PDSS2: variants seen among roughly 807,000 people sequenced by gnomAD.
PDSS2 encodes the protein decaprenyl diphosphate synthase subunit 2, also known as all trans-polyprenyl-diphosphate synthase PDSS2.
PDSS2 carries 31 observed loss-of-function variants against 44.5 expected under a neutral mutation model. The observed-to-expected ratio is 0.70, with a 90% confidence interval of 0.52 to 0.94. The LOEUF (loss-of-function observed/expected upper bound fraction) is 0.94. Ranked by LOEUF, PDSS2 falls within the 40% of genes least tolerant of loss-of-function variation. PDSS2 has a pLI of 0.00. For synonymous variants in PDSS2, 157 were observed against 180.3 expected, an observed-to-expected ratio of 0.87 and a Z score of 1.03; for missense variants, 452 against 482.2, an observed-to-expected ratio of 0.94 and a Z score of 0.59.
chr6:107,335,351 A>G (rs2115253247), intron 1 of PDSS2, among the ~76,000 whole-genome samples: 1 of 152,238 alleles, frequency 6.6e-6, no homozygotes, highest in East Asian at 1.9e-4. Flanking sequence ...TATAAATCAC[A>G]TTGCTTGGAT....
chr6:107,168,605 T>C (rs1296986308), intron 7 of PDSS2, among the ~76,000 whole-genome samples: 1 of 151,836 alleles, frequency 6.6e-6, no homozygotes, highest in Non-Finnish European at 1.5e-5. Context: ...GTTTTTGCAG[T>C]GGCTGGTACC....
chr6:107,389,169 G>A (rs1286458385), intron 1 of PDSS2, among the ~76,000 whole-genome samples: 3 of 152,058 alleles, frequency 2.0e-5, no homozygotes, highest in Non-Finnish European at 4.4e-5. Context: ...ATGACACTGG[G>A]TATTTGGCAA....
intron 2 of PDSS2, among the ~76,000 whole-genome samples, chr6:107,279,241 T>C (rs1239200416): frequency 6.6e-6 from 1 of 151,918 alleles, no homozygotes; most frequent in East Asian, 1.9e-4. Flanking sequence ...AAAATAAAAA[T>C]AAATGTTTAT....
At chr6:107,402,354 T>C (rs1780134701) in intron 1 of PDSS2, among the ~76,000 whole-genome samples, 1 of 125,080 alleles carries the variant, frequency 8.0e-6, no homozygotes, top group African/African-American at 2.7e-5. Flanking sequence ...TATGGGACTA[T>C]ATAAAACAAT....
At chr6:107,450,685 A>T (rs1180828386) in intron 1 of PDSS2, among the ~76,000 whole-genome samples, 3 of 152,224 alleles carry the variant, frequency 2.0e-5, no homozygotes, top group Non-Finnish European at 4.4e-5. Context: ...ATAATTCTAT[A>T]GGTTATGGCA....
At chr6:107,430,752 T>A (rs1583075535) in intron 1 of PDSS2, among the ~76,000 whole-genome samples, 1 of 151,308 alleles carries the variant, frequency 6.6e-6, no homozygotes, top group South Asian at 2.1e-4. Flanking sequence ...GAGGTTGCGG[T>A]GAGCCAAGAC....
At chr6:107,243,231 C>T (rs1288716980) in intron 4 of PDSS2, among the ~76,000 whole-genome samples, 1 of 152,324 alleles carries the variant, frequency 6.6e-6, no homozygotes, top group East Asian at 1.9e-4. Flanking sequence ...ACTATGCTTT[C>T]CTGCCATTTG....
chr6:107,458,130 G>A (rs12192772), intron 1 of PDSS2, among the ~76,000 whole-genome samples: 7,327 of 151,684 alleles, frequency 0.048, 359 homozygotes, highest in African/African-American at 0.12. Flanking sequence ...TATTATTTTT[G>A]TAACTTCGCT....
chr6:107,287,373 A>G (rs913568022), intron 2 of PDSS2, among the ~76,000 whole-genome samples: 1 of 152,104 alleles, frequency 6.6e-6, no homozygotes, highest in African/African-American at 2.4e-5. Context: ...CCCTGAATAT[A>G]CTACTGTATT....
chr6:107,257,914 T>A (rs2500557), intron 3 of PDSS2, among the ~76,000 whole-genome samples: 36,278 of 152,168 alleles, frequency 0.24, 5,734 homozygotes, highest in Middle Eastern at 0.47. Flanking sequence ...ACCACTCCTG[T>A]CCCAGTTGGG....
chr6:107,179,896 C>T (rs992606910), intron 7 of PDSS2, among the ~76,000 whole-genome samples: 8 of 152,154 alleles, frequency 5.3e-5, no homozygotes, highest in Non-Finnish European at 1.0e-4. Flanking sequence ...TCTGATGGCT[C>T]AAACAGCTTC....
chr6:107,170,606 ACCCC>A (rs201361243), intron 7 of PDSS2, among the ~76,000 whole-genome samples: 5 of 96,588 alleles, frequency 5.2e-5, no homozygotes, highest in African/African-American at 1.6e-4. Flanking sequence ...TCTTGGAACC[ACCCC>A]CCCCCCCCCA....
chr6:107,170,617 CCCA>C (rs199945760), intron 7 of PDSS2, among the ~76,000 whole-genome samples: 843 of 67,162 alleles, frequency 0.013, 6 homozygotes, highest in African/African-American at 0.045. Flanking sequence ...CCCCCCCCCC[CCCA>C]CTTTTTTTTT....
intron 2 of PDSS2, among the ~76,000 whole-genome samples, chr6:107,298,743 C>T (rs1263859939): frequency 6.6e-6 from 1 of 152,098 alleles, no homozygotes; most frequent in African/African-American, 2.4e-5. Flanking sequence ...ATCCATAAGA[C>T]CTAAATGTTC....
chr6:107,411,600 G>C (rs1780495797), intron 1 of PDSS2, among the ~76,000 whole-genome samples: 1 of 152,040 alleles, frequency 6.6e-6, no homozygotes, highest in African/African-American at 2.4e-5. Flanking sequence ...AAAAATAGAT[G>C]GTTGTGTCAG....
chr6:107,344,039 G>A (rs1329689881), intron 1 of PDSS2, among the ~76,000 whole-genome samples: 1 of 152,016 alleles, frequency 6.6e-6, no homozygotes, highest in Non-Finnish European at 1.5e-5. Context: ...TTATAGTTGT[G>A]TTTCTAACTT....
chr6:107,241,472 G>A (rs866076576), intron 4 of PDSS2, among the ~76,000 whole-genome samples: 3 of 148,870 alleles, frequency 2.0e-5, no homozygotes, highest in African/African-American at 4.9e-5. Context: ...TCAGCCTCCC[G>A]AGTAGCTGGG....
At chr6:107,262,814 G>C (rs183315646) in intron 3 of PDSS2, among the ~76,000 whole-genome samples, 105 of 152,142 alleles carry the variant, frequency 6.9e-4, no homozygotes, top group South Asian at 6.2e-4. Context: ...GGGCACAGTG[G>C]CTTACGCCTG....
intron 2 of PDSS2, among the ~76,000 whole-genome samples, chr6:107,300,669 C>G (rs1008659244): frequency 1.3e-5 from 2 of 152,164 alleles, no homozygotes; most frequent in Non-Finnish European, 2.9e-5. Flanking sequence ...GCATTTGAGC[C>G]GGATGGGTAA....
Sources: allele counts gnomAD v4.1 joint callset (sites outside exome capture counted in the v4.1 genomes callset), GRCh38; gene constraint gnomAD v4.1.1; transcripts MANE v1.5; gene names NCBI Gene and HGNC (gene_info 2026-07-23, HGNC 2026-07-21).